MRPS28: variants seen among roughly 807,000 people sequenced by gnomAD.
MRPS28 encodes the protein small ribosomal subunit protein bS1m.
A neutral mutation model predicts 10.8 loss-of-function variants in MRPS28; 7 were observed. The observed-to-expected ratio is 0.65, with a 90% CI of 0.37 to 1.22. The LOEUF (loss-of-function observed/expected upper bound fraction) is 1.22, where lower values mean the gene tolerates loss of function less well. Among genes scored for constraint, MRPS28 ranks in the 50% most tolerant of loss-of-function variants. The probability of loss-of-function intolerance (pLI) is 0.02; values close to 1 mark genes in which losing one functional copy is unlikely to be tolerated. For missense variants in MRPS28, 265 were observed against 232.9 expected, an observed-to-expected ratio of 1.14 and a Z score of -0.90; for synonymous variants, 121 against 93.3, an observed-to-expected ratio of 1.30 and a Z score of -1.71.
chr8:79,982,457 G>A (rs539306949), intron 2 of MRPS28, among the ~76,000 whole-genome samples: 59 of 152,344 alleles, frequency 3.9e-4, no homozygotes, highest in Admixed American at 6.5e-4. Flanking sequence ...GAAGCAGGGC[G>A]AGGCATTGCC....
intron 1 of MRPS28, among the ~76,000 whole-genome samples, chr8:80,015,746 G>A (rs775247076): frequency 6.6e-6 from 1 of 152,192 alleles, no homozygotes. Context: ...ATCAGTCCAG[G>A]CATCTAATAC....
intron 1 of MRPS28, among the ~76,000 whole-genome samples, chr8:80,006,012 T>G (rs935648120): frequency 6.6e-6 from 1 of 152,160 alleles, no homozygotes; most frequent in Non-Finnish European, 1.5e-5. Flanking sequence ...ACAAAGAGAC[T>G]TAGACTCCCA....
At chr8:80,019,349 T>C (rs996156200) in intron 1 of MRPS28, among the ~76,000 whole-genome samples, 4 of 144,114 alleles carry the variant, frequency 2.8e-5, no homozygotes, top group Non-Finnish European at 6.1e-5. Flanking sequence ...AAATTAAAAA[T>C]AGAAAAAAAA....
At chr8:79,950,170 C>T (rs950339147) in intron 2 of MRPS28, among the ~76,000 whole-genome samples, 4 of 152,146 alleles carry the variant, frequency 2.6e-5, no homozygotes, top group African/African-American at 9.7e-5. Context: ...CATTAAAAGT[C>T]AAAAGTATTC....
At chr8:79,974,479 T>G (rs999712985) in intron 2 of MRPS28, among the ~76,000 whole-genome samples, 4 of 151,340 alleles carry the variant, frequency 2.6e-5, no homozygotes, top group Non-Finnish European at 5.9e-5. Flanking sequence ...AGGCAGAGCT[T>G]GCAGTGAGCC....
intron 2 of MRPS28, among the ~76,000 whole-genome samples, 177 bp downstream of exon 2, chr8:80,002,822 C>A (rs553270417): frequency 6.6e-6 from 1 of 152,220 alleles, no homozygotes; most frequent in Admixed American, 6.5e-5. Flanking sequence ...AGATATGAGT[C>A]TGGCCTGACA....
intron 2 of MRPS28, among the ~76,000 whole-genome samples, chr8:79,982,420 G>C (rs1807987243): frequency 6.6e-6 from 1 of 152,240 alleles, no homozygotes; most frequent in African/African-American, 2.4e-5. Context: ...GCGCAGGACA[G>C]TGGTTGCAGC....
chr8:79,987,612 C>T (rs1253046015), intron 2 of MRPS28, among the ~76,000 whole-genome samples: 3 of 152,210 alleles, frequency 2.0e-5, no homozygotes, highest in South Asian at 4.2e-4. Context: ...AAAAAGTGGG[C>T]AAAGGACATG....
At chr8:79,972,832 A>G (rs1807672542) in intron 2 of MRPS28, among the ~76,000 whole-genome samples, 1 of 152,258 alleles carries the variant, frequency 6.6e-6, no homozygotes, top group South Asian at 2.1e-4. Flanking sequence ...AATTGCTGAA[A>G]TCATATCAAA....
intron 2 of MRPS28, among the ~76,000 whole-genome samples, chr8:79,932,677 A>G (rs981918599): frequency 3.3e-5 from 5 of 152,186 alleles, no homozygotes; most frequent in African/African-American, 1.2e-4. Context: ...TCTAAGGGAC[A>G]AGGATGGAAA....
chr8:79,995,375 C>A (rs1808474325), intron 2 of MRPS28, among the ~76,000 whole-genome samples: 1 of 152,180 alleles, frequency 6.6e-6, no homozygotes, highest in Non-Finnish European at 1.5e-5. Flanking sequence ...TTGGGCTTAA[C>A]AAGAGTTTTA....
At chr8:79,972,802 A>G (rs1391574979) in intron 2 of MRPS28, among the ~76,000 whole-genome samples, 3 of 152,252 alleles carry the variant, frequency 2.0e-5, no homozygotes, top group Non-Finnish European at 4.4e-5. Context: ...AAAGGATTAC[A>G]GTATAGTGAA....
At chr8:79,943,332 T>A (rs1298274496) in intron 2 of MRPS28, among the ~76,000 whole-genome samples, 2 of 152,262 alleles carry the variant, frequency 1.3e-5, no homozygotes, top group Non-Finnish European at 2.9e-5. Context: ...AACTAATTTC[T>A]AACAGTAATA....
At chr8:79,955,045 G>T (rs1807169100) in intron 2 of MRPS28, among the ~76,000 whole-genome samples, 1 of 152,092 alleles carries the variant, frequency 6.6e-6, no homozygotes, top group African/African-American at 2.4e-5. Context: ...CCTATTTAAT[G>T]AAAGAATATC....
At chr8:79,940,790 C>A (rs1339592416) in intron 2 of MRPS28, among the ~76,000 whole-genome samples, 2 of 152,142 alleles carry the variant, frequency 1.3e-5, no homozygotes, top group Non-Finnish European at 2.9e-5. Flanking sequence ...TTGTACTAGA[C>A]AAAAGAAATG....
intron 1 of MRPS28, chr8:80,028,649 C>CGGGGGGGGGGGGGCG (rs1391638801): frequency 4.4e-4 from 2 of 4,554 alleles, no homozygotes; most frequent in African/African-American, 2.8e-3. Flanking sequence ...AGAAGACGGG[C>CGGGGGGGGGGGGGCG]GGGGGGGGCG....
At chr8:79,944,469 G>A (rs773807305) in intron 2 of MRPS28, among the ~76,000 whole-genome samples, 28 of 152,210 alleles carry the variant, frequency 1.8e-4, no homozygotes, top group Admixed American at 4.6e-4. Flanking sequence ...GTTTATATGT[G>A]CAGCAAAATT....
intron 2 of MRPS28, among the ~76,000 whole-genome samples, chr8:79,947,796 G>A (rs1432780061): frequency 6.6e-6 from 1 of 150,752 alleles, no homozygotes; most frequent in African/African-American, 2.4e-5. Context: ...CACTACGCCC[G>A]GCTAATTTTT....
At chr8:79,984,803 T>C (rs765368538) in intron 2 of MRPS28, among the ~76,000 whole-genome samples, 1 of 152,146 alleles carries the variant, frequency 6.6e-6, no homozygotes, top group Non-Finnish European at 1.5e-5. Flanking sequence ...CAAAGAGACT[T>C]AGACTCCCAC....
Sources: gnomAD v4.1 joint callset for allele counts (sites outside exome capture counted in the v4.1 genomes callset) on GRCh38, gnomAD v4.1.1 for gene constraint, MANE v1.5 for transcripts, NCBI Gene and HGNC (gene_info 2026-07-23, HGNC 2026-07-21) for gene names.